Variants in DNM3 observed in about 807,000 individuals in gnomAD.
DNM3 encodes the protein dynamin-3.
Under a neutral mutation model 101.6 loss-of-function variants are expected in DNM3, and 47 were observed. That is an observed-to-expected ratio of 0.46 (90% CI 0.37 to 0.59). The LOEUF is 0.59. Among genes scored for constraint, DNM3 ranks in the 20% least tolerant of loss-of-function variants. DNM3 has a pLI of 0.00. For missense variants in DNM3, 849 were observed against 1,085.7 expected (o/e 0.78, Z 3.06); for synonymous variants, 385 against 387.9 (o/e 0.99, Z 0.09).
intron 13 of DNM3, among the ~76,000 whole-genome samples, chr1:172,105,426 T>G (rs2054940869): frequency 6.6e-6 from 1 of 152,242 alleles, no homozygotes; most frequent in Non-Finnish European, 1.5e-5. Flanking sequence ...TGGTGAAGGA[T>G]GAACTCTTAA....
chr1:172,414,238 T>G (rs1165784415), downstream of DNM3, among the ~76,000 whole-genome samples: 6 of 152,226 alleles, frequency 3.9e-5, no homozygotes. Context: ...GACCTGTTAC[T>G]AGTATTATTT....
At chr1:172,174,390 C>T (rs529124218) in intron 14 of DNM3, among the ~76,000 whole-genome samples, 60 of 151,584 alleles carry the variant, frequency 4.0e-4, no homozygotes, top group Non-Finnish European at 6.3e-4. Flanking sequence ...TGAATATGCT[C>T]TGTTTTGAAA....
At chr1:171,887,306 G>A (rs1255267224) in intron 1 of DNM3, among the ~76,000 whole-genome samples, 1 of 152,198 alleles carries the variant, frequency 6.6e-6, no homozygotes, top group East Asian at 1.9e-4. Context: ...GTCAGTGACT[G>A]GGGCCAGAAC....
intron 20 of DNM3, chr1:172,393,214 T>C (rs1345939055): frequency 6.6e-6 from 1 of 152,248 alleles, no homozygotes; most frequent in Non-Finnish European, 1.5e-5. Flanking sequence ...ACAAAAGCCA[T>C]TTAATCCTCC....
chr1:171,941,310 G>A (rs2125410368), intron 2 of DNM3, among the ~76,000 whole-genome samples: 1 of 152,174 alleles, frequency 6.6e-6, no homozygotes, highest in African/African-American at 2.4e-5. Context: ...AGGTGGCTTG[G>A]GTATTTATTC....
chr1:172,199,811 G>T (rs1377244589), intron 14 of DNM3, among the ~76,000 whole-genome samples: 1 of 42,056 alleles, frequency 2.4e-5, no homozygotes, highest in South Asian at 5.7e-4. Context: ...ATGTGAGATA[G>T]CATGTAATGA....
At position 172,261,600 on chromosome 1, in the gene DNM3, G is replaced by A. The variant is rs181912828; in HGVS notation, c.1769+7918G>A. Among the ~76,000 whole-genome samples the A allele has an allele frequency of 2.0e-5, 3 of 152,322 alleles. No homozygotes were observed. In the East Asian group the frequency reaches 5.8e-4, roughly 29 times the overall value. ...CAGATGCTGCTAATGGCATCAGTGGGTCTGGCAAGTGAACAGGTTCTTAAG... is the reference window on the plus strand; with the variant it reads ...CAGATGCTGCTAATGGCATCAGTGGATCTGGCAAGTGAACAGGTTCTTAAG... On this transcript the variant is annotated intron_variant, in intron 15 of 20. Coordinates refer to ENST00000627582, the MANE Select transcript of DNM3 (RefSeq NM_015569.5).
intron 4 of DNM3, among the ~76,000 whole-genome samples, chr1:172,028,006 G>A (rs1348339016): frequency 6.6e-6 from 1 of 150,816 alleles, no homozygotes; most frequent in Admixed American, 6.6e-5. Flanking sequence ...CCAATATTAG[G>A]TCAACGAGAC....
At chr1:171,998,542 A>G (rs1289005314) in intron 4 of DNM3, among the ~76,000 whole-genome samples, 4 of 152,162 alleles carry the variant, frequency 2.6e-5, no homozygotes, top group Admixed American at 2.6e-4. Context: ...ATGCTCACTT[A>G]CTATGTGTCA....
chr1:172,232,822 G>T (rs1301304021), intron 14 of DNM3, among the ~76,000 whole-genome samples: 2 of 152,178 alleles, frequency 1.3e-5, no homozygotes, highest in African/African-American at 4.8e-5. Flanking sequence ...CAGAAGTAAA[G>T]ATGTTCTTTG....
At chr1:172,134,529 C>G (rs2057115076) in intron 14 of DNM3, among the ~76,000 whole-genome samples, 1 of 152,170 alleles carries the variant, frequency 6.6e-6, no homozygotes, top group African/African-American at 2.4e-5. Flanking sequence ...AGTGTCAGTG[C>G]TGTGCTCTTA....
intron 15 of DNM3, among the ~76,000 whole-genome samples, chr1:172,299,291 A>G (rs1285526973): frequency 7.9e-5 from 12 of 152,362 alleles, no homozygotes; most frequent in Non-Finnish European, 7.3e-5. Flanking sequence ...GTGGGCCATC[A>G]TAGGGAGTGT....
chr1:172,148,268 C>T (rs2057994649), intron 14 of DNM3, among the ~76,000 whole-genome samples: 1 of 150,500 alleles, frequency 6.6e-6, no homozygotes, highest in Non-Finnish European at 1.5e-5. Flanking sequence ...AAAATATAAG[C>T]TAATTGAAGG....
At chr1:172,134,236 T>A (rs964168202) in intron 14 of DNM3, among the ~76,000 whole-genome samples, 3 of 152,146 alleles carry the variant, frequency 2.0e-5, no homozygotes, top group African/African-American at 7.2e-5. Context: ...CTTCTGTTAC[T>A]CATTCAGAAC....
chr1:172,124,934 A>G (rs1479020253), intron 13 of DNM3, among the ~76,000 whole-genome samples: 1 of 152,178 alleles, frequency 6.6e-6, no homozygotes, highest in South Asian at 2.1e-4. Flanking sequence ...CTTAGAAACG[A>G]GTCTGCTAGC....
chr1:172,389,287 G>T (rs1176740032), intron 20 of DNM3: 1 of 158,134 alleles, frequency 6.3e-6, no homozygotes, highest in South Asian at 1.8e-4. Context: ...TTTCATATAG[G>T]CTGAATAAAT....
chr1:172,118,643 A>G (rs968486483), intron 13 of DNM3, among the ~76,000 whole-genome samples: 6 of 152,066 alleles, frequency 3.9e-5, no homozygotes, highest in African/African-American at 9.7e-5. Flanking sequence ...TCAGACTTAC[A>G]TGGGAAAATT....
At chr1:172,086,707 G>A (rs2053556285) in intron 12 of DNM3, among the ~76,000 whole-genome samples, 1 of 152,106 alleles carries the variant, frequency 6.6e-6, no homozygotes, top group African/African-American at 2.4e-5. Flanking sequence ...GCTTAGTGGT[G>A]ACCTATGGTG....
chr1:171,889,686 T>C (rs1317732683), intron 1 of DNM3, among the ~76,000 whole-genome samples: 4 of 152,038 alleles, frequency 2.6e-5, no homozygotes, highest in Admixed American at 6.6e-5. Flanking sequence ...AAAACAAAAA[T>C]GGGTTAAAGA....
Sources: gnomAD v4.1 joint callset for allele counts (sites outside exome capture counted in the v4.1 genomes callset) on GRCh38, gnomAD v4.1.1 for gene constraint, MANE v1.5 for transcripts, NCBI Gene and HGNC (gene_info 2026-07-23, HGNC 2026-07-21) for gene names.